The following NTRK2 variants were observed in gnomAD, a reference collection of about 807,000 sequenced individuals.
NTRK2 encodes the protein neurotrophic receptor tyrosine kinase 2.
In NTRK2, 13 loss-of-function variants were observed where a neutral mutation model predicts 94.5. The observed-to-expected ratio is 0.14, with a 90% CI of 0.09 to 0.22. The LOEUF is 0.22. NTRK2 is among the 10% of genes least tolerant of loss of function. The pLI is 1.00. For missense variants in NTRK2, 639 were observed against 1,071.2 expected, an observed-to-expected ratio of 0.60 and a Z score of 5.63; for synonymous variants, 372 against 407.4, an observed-to-expected ratio of 0.91 and a Z score of 1.05.
At chr9:84,886,682 T>C (rs2076424966) in intron 14 of NTRK2, among the ~76,000 whole-genome samples, 1 of 152,216 alleles carries the variant, frequency 6.6e-6, no homozygotes, top group African/African-American at 2.4e-5. Flanking sequence ...TCTTTTCTGT[T>C]TTTTATCCCA....
chr9:84,926,878 A>G (rs2077841290), intron 14 of NTRK2, among the ~76,000 whole-genome samples: 1 of 152,196 alleles, frequency 6.6e-6, no homozygotes, highest in Admixed American at 6.5e-5. Flanking sequence ...TATGATAAGA[A>G]CTGTGGACTC....
At chr9:84,889,935 A>T (rs2076546686) in intron 14 of NTRK2, among the ~76,000 whole-genome samples, 1 of 152,196 alleles carries the variant, frequency 6.6e-6, no homozygotes, top group Admixed American at 6.5e-5. Context: ...AACCTCAATC[A>T]GCCTCAGCTT....
intron 12 of NTRK2, among the ~76,000 whole-genome samples, chr9:84,801,600 G>A (rs557339570): frequency 2.0e-5 from 3 of 152,174 alleles, no homozygotes; most frequent in African/African-American, 4.8e-5. Flanking sequence ...TTGTGTTGCC[G>A]GGTGATTTTG....
chr9:84,755,724 A>G (rs2065030889), intron 12 of NTRK2, among the ~76,000 whole-genome samples: 1 of 151,814 alleles, frequency 6.6e-6, no homozygotes, highest in African/African-American at 2.4e-5. Context: ...CTACCTCCCT[A>G]CCTTTGAATG....
rs185328494 is a variant in NTRK2 at position 84,743,865 on chromosome 9, A to T, written c.1196-1108A>T. 2.0e-5 allele frequency among the ~76,000 whole-genome samples: 3 copies of T among 152,372 alleles called. No individual in the cohort carries two copies. In the East Asian group the frequency reaches 5.8e-4, roughly 29 times the overall value. On this transcript the variant is annotated intron_variant, in intron 10 of 18. Transcript: ENST00000277120. ...TTTTAAGATATTCAAAAGGAAAATG[A>T]TGAGAATGTGGTTTTGGCATTAAGA... is the stretch of plus-strand genomic sequence containing the variant.
At chr9:84,927,701 C>A (rs1286620369) in intron 14 of NTRK2, among the ~76,000 whole-genome samples, 1 of 152,084 alleles carries the variant, frequency 6.6e-6, no homozygotes, top group African/African-American at 2.4e-5. Flanking sequence ...TTAGCTAATC[C>A]ACTCCTCCTC....
At chr9:84,739,947 C>T (rs1035128792) in intron 9 of NTRK2, among the ~76,000 whole-genome samples, 8 of 152,170 alleles carry the variant, frequency 5.3e-5, no homozygotes, top group Admixed American at 5.2e-4. Context: ...GAGTAGGTTC[C>T]ACCTTCCTGC....
intron 15 of NTRK2, among the ~76,000 whole-genome samples, chr9:84,947,396 C>T (rs1257863690): frequency 6.6e-6 from 1 of 152,208 alleles, no homozygotes; most frequent in Non-Finnish European, 1.5e-5. Context: ...TTCACAGGCT[C>T]CCAGGATTAG....
chr9:84,912,843 C>T (rs2077282160), intron 14 of NTRK2, among the ~76,000 whole-genome samples: 2 of 152,008 alleles, frequency 1.3e-5, no homozygotes, highest in Admixed American at 6.6e-5. Flanking sequence ...GTCTCGATCT[C>T]CTGACCTTGT....
At position 85,023,587 on chromosome 9, in the gene NTRK2, A is replaced by T. The variant is rs201681665; in HGVS notation, c.*2150A>T. On this transcript the variant is annotated 3_prime_UTR_variant, in exon 19 of 19. Transcript: ENST00000277120. ...GGGTCGTTTGTTCTCTTTGTTGATG[A>T]TTTTAAAAAAACCCTCTAGAATACA... The T allele has an allele frequency of 1.3e-5, 3 of 228,002 alleles. No individual in the cohort carries two copies. The East Asian group carries it at 1.9e-4, about 14-fold the overall frequency. 14.1% of individuals were successfully genotyped at this position (228,002 alleles called of 1,614,324 possible).
At chr9:84,696,123 C>T (rs13283613) in intron 2 of NTRK2, among the ~76,000 whole-genome samples, 8,913 of 152,222 alleles carry the variant, frequency 0.059, 397 homozygotes, top group African/African-American at 0.11. Context: ...GATCCTCCCA[C>T]CTCAGTCTCC....
At chr9:85,007,841 A>C (rs1396264198) in intron 17 of NTRK2, among the ~76,000 whole-genome samples, 1 of 152,166 alleles carries the variant, frequency 6.6e-6, no homozygotes, top group Non-Finnish European at 1.5e-5. Flanking sequence ...TAATAAGCAT[A>C]AAGTTCTTGG....
intron 12 of NTRK2, among the ~76,000 whole-genome samples, chr9:84,754,698 A>C (rs4144550): frequency 6.6e-6 from 1 of 152,116 alleles, no homozygotes; most frequent in South Asian, 2.1e-4. Flanking sequence ...CACCATGTGA[A>C]AGGCTTGTGG....
At chr9:84,886,673 C>A (rs1212859155) in intron 14 of NTRK2, among the ~76,000 whole-genome samples, 2 of 152,192 alleles carry the variant, frequency 1.3e-5, no homozygotes, top group East Asian at 3.8e-4. Context: ...TGAGAAGATT[C>A]TTTTCTGTTT....
chr9:84,682,025 A>T (rs2059419414), intron 2 of NTRK2, among the ~76,000 whole-genome samples: 1 of 152,174 alleles, frequency 6.6e-6, no homozygotes, highest in Non-Finnish European at 1.5e-5. Context: ...TGCATTTAAA[A>T]TGTTAAATGG....
At chr9:84,904,451 AC>A (rs1418668863) in intron 14 of NTRK2, among the ~76,000 whole-genome samples, 1 of 152,210 alleles carries the variant, frequency 6.6e-6, no homozygotes, top group Non-Finnish European at 1.5e-5. Context: ...ACCATCATAC[AC>A]CAACATAATA....
intron 17 of NTRK2, among the ~76,000 whole-genome samples, chr9:84,997,229 G>C (rs1183537416): frequency 6.6e-6 from 1 of 152,196 alleles, no homozygotes; most frequent in Non-Finnish European, 1.5e-5. Context: ...CTGGGCAGGT[G>C]CAGCTAGCGG....
chr9:84,876,463 C>T, intron 14 of NTRK2: 7 of 1,055,454 alleles, frequency 6.6e-6, no homozygotes, highest in Non-Finnish European at 8.0e-6. Context: ...TTTTGCAAGT[C>T]ATTTGGTCTT....
intron 16 of NTRK2, among the ~76,000 whole-genome samples, chr9:84,955,019 G>A (rs921151161): frequency 6.6e-5 from 10 of 152,220 alleles, no homozygotes; most frequent in Non-Finnish European, 1.5e-4. Context: ...TGGAGGGAAG[G>A]GGGACATTCA....
Sources: allele counts gnomAD v4.1 joint callset (sites outside exome capture counted in the v4.1 genomes callset), GRCh38; gene constraint gnomAD v4.1.1; transcripts MANE v1.5; gene names NCBI Gene and HGNC (gene_info 2026-07-23, HGNC 2026-07-21).